Variants in SH2D4B observed in about 807,000 individuals in gnomAD.
The protein encoded by SH2D4B is SH2 domain-containing protein 4B.
Under a neutral mutation model 61.5 loss-of-function variants are expected in SH2D4B, and 45 were observed. The ratio of observed to expected loss-of-function variants is 0.73; its 90% CI spans 0.58 to 0.94. SH2D4B has a LOEUF of 0.94. Among genes scored for constraint, SH2D4B ranks in the 40% least tolerant of loss-of-function variants. The probability of loss-of-function intolerance (pLI) is 0.00; values close to 1 mark genes in which losing one functional copy is unlikely to be tolerated. For missense variants in SH2D4B, 572 were observed against 574.2 expected (o/e 1.00, Z 0.04); for synonymous variants, 224 against 220.4 (o/e 1.02, Z -0.14).
chr10:80,587,133 TTTTTTTTTTTTTGTTTTG>T (rs749701244), intron 3 of SH2D4B, among the ~76,000 whole-genome samples: 14,706 of 88,798 alleles, frequency 0.17, 1,286 homozygotes, highest in African/African-American at 0.34. Context: ...CGGCCACGTT[TTTTTTTTTTTTTGTTTTG>T]TTTTTTTTTT....
At chr10:80,546,620 G>A (rs1195140013) in intron 1 of SH2D4B, among the ~76,000 whole-genome samples, 1 of 151,086 alleles carries the variant, frequency 6.6e-6, no homozygotes, top group Non-Finnish European at 1.5e-5. Context: ...CCACCTCCTG[G>A]GTTCATGCCA....
chr10:80,631,187 C>A (rs1316444435), intron 6 of SH2D4B, among the ~76,000 whole-genome samples: 1 of 152,196 alleles, frequency 6.6e-6, no homozygotes, highest in African/African-American at 2.4e-5. Flanking sequence ...ATCTATACTG[C>A]CATGTTGATT....
At chr10:80,623,759 G>T (rs115069796) in intron 6 of SH2D4B, among the ~76,000 whole-genome samples, 1,551 of 152,238 alleles carry the variant, frequency 0.01, 10 homozygotes, top group African/African-American at 0.022. Context: ...TGTTTACTTA[G>T]CTCACTGAGC....
Position 80,541,433 on chromosome 10 carries a change from A to AT in SH2D4B, c.184+2926dup, listed in dbSNP as rs1159943062. 7.3e-5 allele frequency among the ~76,000 whole-genome samples: 11 copies of AT among 151,394 alleles called. No homozygotes were observed. The East Asian group carries it at 1.9e-3, about 27-fold the overall frequency. ...CTCTTTCCTGGTCCCCTCCCTACAC[A>AT]TTTTTTTTCTGAAGGAAGCACCTGC... On this transcript the variant is annotated intron_variant, in intron 1 of 7. Transcript: ENST00000646907.
At chr10:80,625,567 CTTTTTCTTTT>C (rs1338967859) in intron 6 of SH2D4B, among the ~76,000 whole-genome samples, 1 of 142,538 alleles carries the variant, frequency 7.0e-6, no homozygotes, top group South Asian at 2.2e-4. Context: ...AATTTTTTTT[CTTTTTCTTTT>C]TTTTTCTTTT....
intron 6 of SH2D4B, among the ~76,000 whole-genome samples, chr10:80,616,695 G>T (rs1384471736): frequency 1.3e-5 from 2 of 152,156 alleles, no homozygotes; most frequent in Non-Finnish European, 2.9e-5. Context: ...TACATTGGCT[G>T]GTATCTATGG....
At chr10:80,588,871 G>A (rs544553692) in intron 4 of SH2D4B, 94 bp downstream of exon 4, 5 of 1,464,278 alleles carry the variant, frequency 3.4e-6, no homozygotes, top group East Asian at 2.4e-5. Flanking sequence ...ATTTCCATTC[G>A]CTCACTCACC....
At chr10:80,569,332 C>G (rs1259436173) in intron 1 of SH2D4B, among the ~76,000 whole-genome samples, 1 of 152,262 alleles carries the variant, frequency 6.6e-6, no homozygotes, top group East Asian at 1.9e-4. Context: ...TCAGAGAGTG[C>G]TGCAATGTCC....
At chr10:80,610,789 T>G (rs1168658949) in intron 6 of SH2D4B, among the ~76,000 whole-genome samples, 1 of 152,104 alleles carries the variant, frequency 6.6e-6, no homozygotes, top group Admixed American at 6.5e-5. Context: ...CCAGTCAAGG[T>G]TTATTTCTTA....
chr10:80,577,430 G>GTT (rs71482785), intron 3 of SH2D4B, among the ~76,000 whole-genome samples: 14,821 of 143,820 alleles, frequency 0.1, 1,017 homozygotes, highest in Admixed American at 0.2. Context: ...TGAATTTTCT[G>GTT]TTTTTTTTTT....
chr10:80,560,138 C>T (rs1841885311), intron 1 of SH2D4B, among the ~76,000 whole-genome samples: 1 of 151,584 alleles, frequency 6.6e-6, no homozygotes, highest in Non-Finnish European at 1.5e-5. Flanking sequence ...CAGGTGCCCG[C>T]CACCTCGCCC....
At chr10:80,598,265 G>A (rs1842408880) in intron 4 of SH2D4B, among the ~76,000 whole-genome samples, 1 of 152,214 alleles carries the variant, frequency 6.6e-6, no homozygotes, top group African/African-American at 2.4e-5. Flanking sequence ...GTAAAGGTCT[G>A]TGTTCATGAA....
intron 4 of SH2D4B, among the ~76,000 whole-genome samples, chr10:80,592,418 A>T (rs1042642662): frequency 6.6e-6 from 1 of 152,088 alleles, no homozygotes; most frequent in Admixed American, 6.5e-5. Context: ...GTTGTTTATG[A>T]TTTGTGTCTT....
At chr10:80,558,801 A>G (rs1020926709) in intron 1 of SH2D4B, among the ~76,000 whole-genome samples, 4 of 152,174 alleles carry the variant, frequency 2.6e-5, no homozygotes, top group Non-Finnish European at 5.9e-5. Context: ...CGCTGCACAC[A>G]GCCTTAAGTC....
rs768897794 is a variant in SH2D4B at position 80,571,491 on chromosome 10, C to T, written c.408C>T (p.Ala136=). Residue 136 remains alanine (A), a synonymous_variant, in exon 3 of 8, where the codon GCC becomes GCT. Transcript: ENST00000646907. ...KFRDALANEK[A]RILAEKWKVE... is the part of the protein sequence containing the mutation. ...GGGATGCTCTGGCCAATGAGAAAGC[C>T]CGGATCTTGGCGGAGAAGTGGAAAG... is the stretch of plus-strand genomic sequence containing the variant. The T allele has an allele frequency of 2.5e-6, 4 of 1,614,138 alleles. No individual in the cohort carries two copies. The Admixed American group carries it at 6.7e-5, about 27-fold the overall frequency.
At chr10:80,566,454 C>T (rs1003320864) in intron 1 of SH2D4B, among the ~76,000 whole-genome samples, 1 of 151,946 alleles carries the variant, frequency 6.6e-6, no homozygotes, top group Non-Finnish European at 1.5e-5. Flanking sequence ...CACCATCATG[C>T]CCAGCTAATT....
rs1448119682 is a variant in SH2D4B, at chr10:80,592,837, A to G, written c.643+4060A>G. Among the ~76,000 whole-genome samples the G allele has an allele frequency of 4.6e-5, 7 of 150,758 alleles. No homozygotes were observed. The East Asian group carries it at 1.4e-3, about 30-fold the overall frequency. On this transcript the variant is annotated intron_variant, in intron 4 of 7. Coordinates refer to ENST00000646907, the MANE Select transcript of SH2D4B (RefSeq NM_001388272.1). Reference sequence around the variant, plus strand: ...CAAATGTCTATCCTCCCATTTCAGCATCCTGAGTAGCTGGACCACAGGCAT... The same window carrying G: ...CAAATGTCTATCCTCCCATTTCAGCGTCCTGAGTAGCTGGACCACAGGCAT...
In SH2D4B at chr10:80,609,535, C is replaced by T. The variant is rs372731529; in HGVS notation, c.972C>T (p.Ile324=). 23 of 1,614,102 alleles carry T rather than the reference C, an allele frequency of 1.4e-5. No individual in the cohort carries two copies. Among genetic ancestry groups the T allele is most frequent in the African/African-American group, 1.3e-4 (10 of 74,942 alleles). The part of the protein sequence containing the change: ...RAGFERNTKF[I]APWFHGIISR... Reference sequence around the variant, plus strand: ...GCTTCGAGAGGAACACCAAGTTCATCGCCCCCTGGTTCCATGGTAGCACCA... The same window carrying T: ...GCTTCGAGAGGAACACCAAGTTCATTGCCCCCTGGTTCCATGGTAGCACCA... Residue 324 remains isoleucine, a synonymous_variant, in exon 6 of 8, where the codon ATC becomes ATT. Transcript: ENST00000646907.
intron 6 of SH2D4B, 61 bp from the exon 7 acceptor site, chr10:80,634,224 T>C: frequency 6.8e-7 from 1 of 1,471,450 alleles, no homozygotes; most frequent in South Asian, 1.4e-5. Flanking sequence ...GAGTGGAGAA[T>C]CGTGGGGGAG....
Sources: gnomAD v4.1 joint callset for allele counts (sites outside exome capture counted in the v4.1 genomes callset) on GRCh38, gnomAD v4.1.1 for gene constraint, MANE v1.5 for transcripts, NCBI Gene and HGNC (gene_info 2026-07-23, HGNC 2026-07-21) for gene names.